ANO6: variants seen among roughly 807,000 people sequenced by gnomAD.
ANO6 encodes the protein anoctamin 6.
In ANO6, 106 loss-of-function variants were observed where a neutral mutation model predicts 117.5. The observed-to-expected ratio is 0.90, with a 90% CI of 0.77 to 1.06. The LOEUF (loss-of-function observed/expected upper bound fraction) is 1.06. ANO6 is among the 50% of genes least tolerant of loss of function. The pLI, the probability that ANO6 is intolerant of heterozygous loss-of-function variation, is 0.00. For missense variants in ANO6, 955 were observed against 1,121.1 expected (o/e 0.85, Z 2.12); for synonymous variants, 367 against 385.1 (o/e 0.95, Z 0.55).
At chr12:45,395,416 AGAG>A (rs1942582706) in intron 12 of ANO6, among the ~76,000 whole-genome samples, 1 of 152,212 alleles carries the variant, frequency 6.6e-6, no homozygotes, top group Admixed American at 6.5e-5. Flanking sequence ...AGAGGTACAA[AGAG>A]GAGCTGCTAC....
At chr12:45,300,682 T>C (rs1939453945) in intron 1 of ANO6, among the ~76,000 whole-genome samples, 1 of 152,196 alleles carries the variant, frequency 6.6e-6, no homozygotes, top group African/African-American at 2.4e-5. Flanking sequence ...TATTGATAAA[T>C]GAGAATATTT....
At chr12:45,428,961 C>A in intron 19 of ANO6, 144 bp from the exon 20 acceptor site, 1 of 900,374 alleles carries the variant, frequency 1.1e-6, no homozygotes. Context: ...TGATTAGACA[C>A]AATGGCATTA....
In ANO6 at chr12:45,429,788, A is replaced by ATC; in HGVS notation, c.*477_*478insTC. On this transcript the variant is annotated 3_prime_UTR_variant, in exon 20 of 20. Coordinates refer to ENST00000320560, the MANE Select transcript of ANO6 (RefSeq NM_001025356.3). ...TAATTTAATAGCTTTCATGTGATTAAAAATAGCTAACTAGACTCAAGGATT... is the reference window on the plus strand; with the variant it reads ...TAATTTAATAGCTTTCATGTGATTAATCAAATAGCTAACTAGACTCAAGGATT... The ATC allele has an allele frequency of 1.0e-6, 1 of 997,386 alleles. No individual in the cohort carries two copies. The highest frequency in any genetic ancestry group is 4.4e-5 in the South Asian group (1 of 22,910). 61.8% of individuals were successfully genotyped at this position (997,386 alleles called of 1,614,324 possible).
Position 45,429,467 on chromosome 12 carries a change from T to A in ANO6, c.*156T>A, listed in dbSNP as rs1454434980. The A allele has an allele frequency of 6.8e-7, 1 of 1,459,860 alleles. No individual in the cohort carries two copies. The highest frequency in any genetic ancestry group is 1.4e-5 in the South Asian group (1 of 71,274). The allele number at this position is 1,459,860 out of a possible 1,614,324, so 90.4% of individuals were successfully genotyped here. A position where few individuals can be genotyped will look rare whatever the true frequency, so the allele number is the denominator to read the frequency against. ...ATTATTTTTCAGTTTCAGCTAGCGA[T>A]GCAGAAACTGGAAAATGTAAAACTT... On this transcript the variant is annotated 3_prime_UTR_variant, in exon 20 of 20. Transcript: ENST00000320560.
intron 12 of ANO6, among the ~76,000 whole-genome samples, chr12:45,394,945 A>G (rs991802212): frequency 1.3e-5 from 2 of 152,224 alleles, no homozygotes; most frequent in African/African-American, 4.8e-5. Context: ...CTAGAGAAGC[A>G]AGAGCAAACA....
chr12:45,290,081 G>C (rs1264338159), intron 1 of ANO6, among the ~76,000 whole-genome samples: 27 of 152,022 alleles, frequency 1.8e-4, no homozygotes, highest in Non-Finnish European at 4.4e-5. Context: ...ATATTATCTG[G>C]CTGCAAAATA....
rs1391778453 is a variant in ANO6, at chr12:45,245,868, A to G, written c.70+29477A>G. Among the ~76,000 whole-genome samples the G allele has an allele frequency of 2.6e-5, 4 of 152,104 alleles. 1 individual carries two copies. Among genetic ancestry groups the G allele is most frequent in the East Asian group, 3.9e-4 (2 of 5,170 alleles). ...GGTCCCATGGCTGATTACTATGTCT[A>G]TAGAATGAATCTGTTAATTGTAATT... On this transcript the variant is annotated intron_variant, in intron 1 of 19. Coordinates refer to ENST00000320560, the MANE Select transcript of ANO6 (RefSeq NM_001025356.3).
chr12:45,292,964 C>T, intron 1 of ANO6: 1 of 1,551,096 alleles, frequency 6.4e-7, no homozygotes, highest in Non-Finnish European at 8.7e-7. Flanking sequence ...TGGTGAGTTG[C>T]TGGAACAGTG....
At chr12:45,387,780 G>A (rs567794196) in intron 10 of ANO6, among the ~76,000 whole-genome samples, 1 of 152,244 alleles carries the variant, frequency 6.6e-6, no homozygotes, top group East Asian at 1.9e-4. Context: ...GTCAGGGGAG[G>A]GGCCTGGTGG....
At chr12:45,260,510 T>G (rs143444365) in intron 1 of ANO6, among the ~76,000 whole-genome samples, 19 of 152,286 alleles carry the variant, frequency 1.2e-4, no homozygotes, top group African/African-American at 4.6e-4. Context: ...TGGGTCACAC[T>G]TGGATTTGTT....
intron 9 of ANO6, among the ~76,000 whole-genome samples, chr12:45,369,722 T>C (rs1290966490): frequency 6.6e-6 from 1 of 152,228 alleles, no homozygotes; most frequent in Non-Finnish European, 1.5e-5. Flanking sequence ...CATTTACACA[T>C]CTTTCTTTTG....
chr12:45,245,549 AT>A (rs1039433256), intron 1 of ANO6, among the ~76,000 whole-genome samples: 6 of 149,794 alleles, frequency 4.0e-5, no homozygotes, highest in South Asian at 2.1e-4. Context: ...TTTTACAGGC[AT>A]TTTTTTTTCC....
intron 1 of ANO6, among the ~76,000 whole-genome samples, chr12:45,239,398 A>AT (rs1947701649): frequency 2.0e-5 from 3 of 152,052 alleles, no homozygotes; most frequent in African/African-American, 7.2e-5. Context: ...CCACTTTATC[A>AT]TTTTTTATTG....
In ANO6 at chr12:45,402,634, T is replaced by A. The variant is rs73281567; in HGVS notation, c.1613-438T>A. Among the ~76,000 whole-genome samples, 756 of 152,356 alleles carry A rather than the reference T, an allele frequency of 5.0e-3. 4 individuals are homozygous for A. Among genetic ancestry groups the A allele is most frequent in the African/African-American group, 0.017 (716 of 41,576 alleles). ...CACTAGGAGGATGACCTATTTTGTTTTTCCCAAATGCCTCTAGCAAGTTGT... is the reference window on the plus strand; with the variant it reads ...CACTAGGAGGATGACCTATTTTGTTATTCCCAAATGCCTCTAGCAAGTTGT... On this transcript the variant is annotated intron_variant, in intron 13 of 19. Transcript: ENST00000320560.
chr12:45,226,984 CT>C (rs906373347), intron 1 of ANO6, among the ~76,000 whole-genome samples: 6,186 of 112,724 alleles, frequency 0.055, 204 homozygotes, highest in African/African-American at 0.19. Context: ...TTATCATTTT[CT>C]TTTTTTTTTT....
Position 45,359,228 on chromosome 12 carries a change from G to A in ANO6, c.998+1804G>A, listed in dbSNP as rs1941492462. 2.6e-5 allele frequency among the ~76,000 whole-genome samples: 4 copies of A among 151,276 alleles called. No individual in the cohort carries two copies. The South Asian group carries it at 8.4e-4, about 32-fold the overall frequency. On this transcript the variant is annotated intron_variant, in intron 8 of 19. Transcript: ENST00000320560. ...AATCTATTTGCTTTCTGTTTCTAGG[G>A]ATTTACCTATTCTGGACATTTCATA... is the stretch of plus-strand genomic sequence containing the variant.
rs536963488 is a variant in ANO6 at position 45,271,016 on chromosome 12, G to A, written c.71-30998G>A. 2.4e-4 allele frequency among the ~76,000 whole-genome samples: 37 copies of A among 152,258 alleles called. 1 individual carries two copies. Among genetic ancestry groups the A allele is most frequent in the African/African-American group, 5.5e-4 (23 of 41,552 alleles). On this transcript the variant is annotated intron_variant, in intron 1 of 19. Coordinates refer to ENST00000320560, the MANE Select transcript of ANO6 (RefSeq NM_001025356.3). ...ATTACAGGTGTGGGCCACCATGCCC[G>A]GCTGCAAAAGTTATTTCTTACCTGT...
At chr12:45,287,716 G>C (rs1336568789) in intron 1 of ANO6, among the ~76,000 whole-genome samples, 3 of 152,118 alleles carry the variant, frequency 2.0e-5, no homozygotes, top group Non-Finnish European at 2.9e-5. Context: ...GGAAAGGCAA[G>C]GTATAGCAAA....
intron 10 of ANO6, chr12:45,383,111 T>A (rs1593044502): frequency 4.9e-6 from 1 of 204,610 alleles, no homozygotes; most frequent in South Asian, 1.0e-4. Context: ...TTGTGTGATA[T>A]TCTAAATCCT....
Sources: allele counts gnomAD v4.1 joint callset (sites outside exome capture counted in the v4.1 genomes callset), GRCh38; gene constraint gnomAD v4.1.1; transcripts MANE v1.5; gene names NCBI Gene and HGNC (gene_info 2026-07-23, HGNC 2026-07-21).